PDE4D: variants seen among roughly 807,000 people sequenced by gnomAD.
PDE4D encodes the protein 3',5'-cyclic-AMP phosphodiesterase 4D.
PDE4D carries 24 observed loss-of-function variants against 87.4 expected under a neutral mutation model. The ratio of observed to expected loss-of-function variants is 0.27; its 90% CI spans 0.20 to 0.39. The LOEUF is 0.39. Among genes scored for constraint, PDE4D ranks in the 10% least tolerant of loss-of-function variants. The pLI is 1.00. For synonymous variants in PDE4D, 384 were observed against 383.2 expected, an observed-to-expected ratio of 1.00 and a Z score of -0.02; for missense variants, 714 against 1,041.0, an observed-to-expected ratio of 0.69 and a Z score of 4.32.
At chr5:59,387,009 AT>A (rs1300913380) in intron 1 of PDE4D, among the ~76,000 whole-genome samples, 1 of 152,198 alleles carries the variant, frequency 6.6e-6, no homozygotes, top group Non-Finnish European at 1.5e-5. Flanking sequence ...ATGTAAAAAA[AT>A]CTCATTTCCC....
At chr5:60,457,178 T>C (rs1037313542) in intron 1 of PDE4D, among the ~76,000 whole-genome samples, 5 of 152,114 alleles carry the variant, frequency 3.3e-5, no homozygotes, top group Non-Finnish European at 7.4e-5. Flanking sequence ...TCCTAATAGA[T>C]TTGCAGTACA....
intron 1 of PDE4D, among the ~76,000 whole-genome samples, chr5:60,494,247 G>C (rs1749693903): frequency 6.6e-6 from 1 of 152,222 alleles, no homozygotes. Flanking sequence ...GCTCCTGGCA[G>C]AAGAATGCAC....
intron 3 of PDE4D, among the ~76,000 whole-genome samples, chr5:59,986,202 A>T (rs1322322952): frequency 1.3e-5 from 2 of 152,200 alleles, no homozygotes; most frequent in Non-Finnish European, 2.9e-5. Flanking sequence ...CCACAGGCGC[A>T]TGCCACTACA....
rs1412967161 is a variant in PDE4D at position 59,977,482 on chromosome 5, AAAG to A, written c.272+11003_272+11005del. 3.3e-5 allele frequency among the ~76,000 whole-genome samples: 5 copies of A among 152,206 alleles called. No homozygotes were observed. The East Asian group carries it at 9.6e-4, about 29-fold the overall frequency. ...GAGGGTGGTTCATGATGTTTAAAGA[AAAG>A]AAGCCATCTCCAATACATAAAAGTA... On this transcript the variant is annotated intron_variant, in intron 3 of 16. Coordinates refer to the PDE4D transcript ENST00000502484.
At chr5:60,058,603 A>C (rs1029164305) in intron 2 of PDE4D, among the ~76,000 whole-genome samples, 41 of 151,978 alleles carry the variant, frequency 2.7e-4, no homozygotes, top group Non-Finnish European at 4.4e-5. Flanking sequence ...TAAACTTAAA[A>C]GCTGCTAAAA....
intron 1 of PDE4D, among the ~76,000 whole-genome samples, chr5:60,484,898 A>T (rs1386750363): frequency 6.6e-6 from 1 of 152,196 alleles, no homozygotes; most frequent in East Asian, 1.9e-4. Flanking sequence ...TGATGTGGAT[A>T]TTCACCAATC....
chr5:59,661,385 T>A (rs547885281), intron 1 of PDE4D, among the ~76,000 whole-genome samples: 1 of 152,196 alleles, frequency 6.6e-6, no homozygotes, highest in African/African-American at 2.4e-5. Flanking sequence ...GTCATTAGGA[T>A]GCTAATTTAC....
chr5:59,780,126 G>T (rs993357604), intron 1 of PDE4D, among the ~76,000 whole-genome samples: 4 of 152,178 alleles, frequency 2.6e-5, no homozygotes, highest in Admixed American at 6.5e-5. Flanking sequence ...CACTTTGGGA[G>T]GCCAAGGCAG....
At chr5:59,478,733 T>G (rs1803740795) in intron 1 of PDE4D, among the ~76,000 whole-genome samples, 1 of 152,100 alleles carries the variant, frequency 6.6e-6, no homozygotes, top group African/African-American at 2.4e-5. Context: ...TTTTTGGTTT[T>G]GGAAGACATA....
At chr5:59,174,994 G>A (rs1163232891) in intron 5 of PDE4D, among the ~76,000 whole-genome samples, 1 of 152,186 alleles carries the variant, frequency 6.6e-6, no homozygotes. Flanking sequence ...AAATGGTATT[G>A]TGAAGATGTA....
At chr5:60,236,257 T>A (rs1746418302) in intron 1 of PDE4D, among the ~76,000 whole-genome samples, 1 of 151,866 alleles carries the variant, frequency 6.6e-6, no homozygotes, top group African/African-American at 2.4e-5. Context: ...TTCATCAAAA[T>A]TAAAAACTTT....
intron 2 of PDE4D, among the ~76,000 whole-genome samples, chr5:59,213,543 C>T (rs1750553837): frequency 6.6e-6 from 1 of 152,102 alleles, no homozygotes; most frequent in Admixed American, 6.6e-5. Flanking sequence ...TGGAGCCTTC[C>T]CTCAGCTCAA....
chr5:60,473,011 G>T (rs534145579), intron 1 of PDE4D, among the ~76,000 whole-genome samples: 1 of 151,306 alleles, frequency 6.6e-6, no homozygotes, highest in African/African-American at 2.4e-5. Context: ...CCTATCATAA[G>T]CTGAGGAGCA....
intron 5 of PDE4D, among the ~76,000 whole-genome samples, chr5:59,078,705 T>A (rs1766137090): frequency 6.6e-6 from 1 of 151,972 alleles, no homozygotes; most frequent in African/African-American, 2.4e-5. Flanking sequence ...TTGATAGGGT[T>A]TCTTCATGTT....
At chr5:59,152,715 G>A (rs1779635681) in intron 5 of PDE4D, among the ~76,000 whole-genome samples, 1 of 151,822 alleles carries the variant, frequency 6.6e-6, no homozygotes, top group Non-Finnish European at 1.5e-5. Flanking sequence ...GTAGGCTTTA[G>A]GGAAAATAAA....
At chr5:59,512,509 T>C (rs1411101625) in intron 1 of PDE4D, among the ~76,000 whole-genome samples, 4 of 152,178 alleles carry the variant, frequency 2.6e-5, no homozygotes, top group Admixed American at 2.6e-4. Context: ...GATGAATAGA[T>C]GAATGAACTT....
intron 2 of PDE4D, among the ~76,000 whole-genome samples, chr5:60,017,434 G>C (rs1016767476): frequency 3.3e-5 from 5 of 152,030 alleles, no homozygotes; most frequent in African/African-American, 1.2e-4. Context: ...TATTTATCCT[G>C]ATGCTCTCCC....
chr5:60,161,091 T>C (rs942689566), intron 2 of PDE4D, among the ~76,000 whole-genome samples: 1 of 152,112 alleles, frequency 6.6e-6, no homozygotes, highest in Admixed American at 6.5e-5. Flanking sequence ...GAGAAGGAAA[T>C]AGTTAAGTAC....
chr5:59,084,171 A>G (rs1767272637), intron 5 of PDE4D, among the ~76,000 whole-genome samples: 1 of 152,116 alleles, frequency 6.6e-6, no homozygotes, highest in Admixed American at 6.6e-5. Flanking sequence ...GGATGTAAAG[A>G]TTAAAAAAGG....
Sources: gnomAD v4.1 joint callset for allele counts (sites outside exome capture counted in the v4.1 genomes callset) on GRCh38, gnomAD v4.1.1 for gene constraint, MANE v1.5 for transcripts, NCBI Gene and HGNC (gene_info 2026-07-23, HGNC 2026-07-21) for gene names.